The following GEMIN8 variants were observed in gnomAD, a reference collection of about 807,000 sequenced individuals.
GEMIN8 encodes the protein gem nuclear organelle associated protein 8, also known as gem-associated protein 8.
For synonymous variants in GEMIN8, 80 were observed against 78.5 expected (o/e 1.02, Z -0.10); for missense variants, 185 against 205.9 (o/e 0.90, Z 0.62).
intron 1 of GEMIN8, among the ~76,000 whole-genome samples, chrX:14,028,594 G>A (rs753204525): frequency 1.9e-5 from 2 of 105,807 alleles, no homozygotes; most frequent in African/African-American, 6.9e-5. Context: ...ACTTTCCCCC[G>A]TCATTCTCAT....
chrX:13,988,255 C>T, the GEMIN8 span, among the ~76,000 whole-genome samples: 2 of 111,594 alleles, frequency 1.8e-5, no homozygotes, highest in African/African-American at 6.5e-5. Context: ...AACTGCCCCT[C>T]TGACAACCTC....
intron 4 of GEMIN8, among the ~76,000 whole-genome samples, chrX:14,009,542 G>C (rs1487974437): frequency 9.1e-6 from 1 of 110,031 alleles, no homozygotes; most frequent in Non-Finnish European, 1.9e-5. Context: ...GCCAGACCCG[G>C]TGTCAAAAAA....
At chrX:14,023,096 G>A (rs1485572610) in intron 2 of GEMIN8, among the ~76,000 whole-genome samples, 1 of 112,051 alleles carries the variant, frequency 8.9e-6, no homozygotes, top group African/African-American at 3.2e-5. Flanking sequence ...TACATGCAAC[G>A]AATATAAACT....
chrX:14,026,123 G>C lies in GEMIN8; in HGVS notation c.-34+17C>G. On this transcript the variant is annotated intron_variant, in intron 2 of 4. Coordinates refer to ENST00000680255, the MANE Select transcript of GEMIN8 (RefSeq NM_001042479.2). ...TTTGGTCTTTAATGGTCTTTAATTC[G>C]ATCTTTCATTCCTCACCTCCCTGGG... 2 of 746,934 alleles carry C rather than the reference G, an allele frequency of 2.7e-6. No homozygotes were observed. The highest frequency in any genetic ancestry group is 3.2e-6 in the Non-Finnish European group (2 of 632,663). 61.6% of individuals were successfully genotyped at this position (746,934 alleles called of 1,213,427 possible).
chrX:14,015,082 T>C (rs956015143), intron 4 of GEMIN8, among the ~76,000 whole-genome samples: 1 of 111,502 alleles, frequency 9.0e-6, no homozygotes, highest in Non-Finnish European at 1.9e-5. Flanking sequence ...TTTTAGAATA[T>C]GTCCCTGTTT....
At chrX:13,999,730 T>G in the GEMIN8 span, among the ~76,000 whole-genome samples, 4 of 111,968 alleles carry the variant, frequency 3.6e-5, no homozygotes, top group African/African-American at 1.3e-4. Context: ...TGACTCATAC[T>G]GGTCAGGTAT....
the GEMIN8 span, among the ~76,000 whole-genome samples, chrX:13,996,930 TGTC>T: frequency 2.1e-5 from 2 of 94,993 alleles, no homozygotes; most frequent in African/African-American, 8.3e-5. Context: ...TGCTGTGGCT[TGTC>T]TTTTTTTTTT....
chrX:14,011,981 A>G (rs748696875), intron 4 of GEMIN8, among the ~76,000 whole-genome samples: 1 of 111,383 alleles, frequency 9.0e-6, no homozygotes, highest in Non-Finnish European at 1.9e-5. Context: ...CAATTTTCCA[A>G]CTTTGTACTC....
the GEMIN8 span, among the ~76,000 whole-genome samples, chrX:13,998,145 G>A: frequency 9.6e-6 from 1 of 104,610 alleles, no homozygotes; most frequent in South Asian, 4.5e-4. Context: ...GGGCAATCAC[G>A]GCTCTCTGCA....
At chrX:13,987,611 C>T in the GEMIN8 span, among the ~76,000 whole-genome samples, 6 of 111,892 alleles carry the variant, frequency 5.4e-5, no homozygotes, top group Non-Finnish European at 7.5e-5. Context: ...GTTCTCACTG[C>T]GCTGGGTCAC....
the GEMIN8 span, among the ~76,000 whole-genome samples, chrX:13,996,140 G>T: frequency 8.9e-6 from 1 of 111,839 alleles, no homozygotes. Context: ...ATGGAAAAGA[G>T]AAATCATAGA....
At chrX:14,021,565 T>G in intron 2 of GEMIN8, 54 bp from the exon 3 acceptor site, 1 of 872,409 alleles carries the variant, frequency 1.1e-6, no homozygotes, top group Non-Finnish European at 1.7e-6. Context: ...TGTGTGATAT[T>G]TGTGGCTATT....
chrX:14,023,105 C>T (rs757243116), intron 2 of GEMIN8, among the ~76,000 whole-genome samples: 1 of 112,213 alleles, frequency 8.9e-6, no homozygotes, highest in South Asian at 3.7e-4. Context: ...CGAATATAAA[C>T]TGAAAAAGTT....
chrX:14,016,036 AAAT>A (rs1036825408), intron 4 of GEMIN8, among the ~76,000 whole-genome samples: 1 of 112,055 alleles, frequency 8.9e-6, no homozygotes, highest in African/African-American at 3.3e-5. Flanking sequence ...CTGCTGAAAA[AAAT>A]AATGCTAGTG....
the GEMIN8 span, among the ~76,000 whole-genome samples, chrX:13,993,001 A>G: frequency 9.0e-6 from 1 of 111,244 alleles, no homozygotes; most frequent in African/African-American, 3.3e-5. Flanking sequence ...TTGCTTGAGC[A>G]CCTTGAAGGG....
chrX:14,015,978 T>C (rs1206952216), intron 4 of GEMIN8, among the ~76,000 whole-genome samples: 2 of 92,934 alleles, frequency 2.2e-5, no homozygotes, highest in African/African-American at 8.5e-5. Flanking sequence ...ATTCCATCAT[T>C]CATTACCGCT....
chrX:13,998,334 G>C, the GEMIN8 span, among the ~76,000 whole-genome samples: 1 of 110,462 alleles, frequency 9.1e-6, no homozygotes, highest in African/African-American at 3.3e-5. Context: ...CACGTCAAGG[G>C]AGGGACCTGG....
intron 2 of GEMIN8, among the ~76,000 whole-genome samples, chrX:14,025,248 A>G (rs1480689213): frequency 1.8e-5 from 2 of 110,049 alleles, no homozygotes; most frequent in Non-Finnish European, 3.8e-5. Flanking sequence ...TATGCCAGCA[A>G]TTTTTTTTCA....
At chrX:14,020,653 C>A (rs1311941943) in intron 3 of GEMIN8, 119 bp from the exon 4 acceptor site, 78 of 503,736 alleles carry the variant, frequency 1.5e-4, no homozygotes, top group Middle Eastern at 4.0e-4. Context: ...TAAATACCTA[C>A]CTACATGAGG....
Sources: allele counts gnomAD v4.1 joint callset (sites outside exome capture counted in the v4.1 genomes callset), GRCh38; gene constraint gnomAD v4.1.1; transcripts MANE v1.5; gene names NCBI Gene and HGNC (gene_info 2026-07-23, HGNC 2026-07-21).